Variants in AAK1 observed in about 807,000 individuals in gnomAD.
The protein encoded by AAK1 is AP2 associated kinase 1.
A neutral mutation model predicts 116.0 loss-of-function variants in AAK1; 37 were observed. The observed-to-expected ratio is 0.32, with a 90% CI of 0.25 to 0.42. The LOEUF (loss-of-function observed/expected upper bound fraction) is 0.42, where lower values mean the gene tolerates loss of function less well. Among genes scored for constraint, AAK1 ranks in the 10% least tolerant of loss-of-function variants. AAK1 has a pLI of 1.00. For synonymous variants in AAK1, 458 were observed against 439.9 expected, an observed-to-expected ratio of 1.04 and a Z score of -0.51; for missense variants, 919 against 1,170.6, an observed-to-expected ratio of 0.79 and a Z score of 3.14.
In AAK1 at chr2:69,470,815, T is replaced by C. The variant is rs1217101476; in HGVS notation, c.*5054A>G. On this transcript the variant is annotated 3_prime_UTR_variant, in exon 22 of 22. Coordinates refer to ENST00000409085, the MANE Select transcript of AAK1 (RefSeq NM_014911.5). ...TACTTTTCTTGTGCCCAGGTACTTATTGTCACTCAATACTGTGATTAAATC... is the reference window on the plus strand; with the variant it reads ...TACTTTTCTTGTGCCCAGGTACTTACTGTCACTCAATACTGTGATTAAATC... The C allele has an allele frequency of 6.1e-6, 6 of 985,746 alleles. No homozygotes were observed. Among genetic ancestry groups the C allele is most frequent in the Non-Finnish European group, 7.2e-6 (6 of 829,930 alleles). The allele number at this position is 985,746 out of a possible 1,614,324, so 61.1% of individuals were successfully genotyped here. A position where few individuals can be genotyped will look rare whatever the true frequency, so the allele number is the denominator to read the frequency against.
chr2:69,629,702 G>C (rs962694944), intron 2 of AAK1, among the ~76,000 whole-genome samples: 1 of 152,142 alleles, frequency 6.6e-6, no homozygotes, highest in African/African-American at 2.4e-5. Context: ...AATTAGTACT[G>C]ATTTACTGTA....
intron 2 of AAK1, among the ~76,000 whole-genome samples, chr2:69,582,630 C>A (rs1672597518): frequency 6.6e-6 from 1 of 152,096 alleles, no homozygotes; most frequent in Non-Finnish European, 1.5e-5. Context: ...CAATATTCTA[C>A]AGAGAAACCT....
In AAK1 at chr2:69,468,886, A is replaced by G. The variant is rs534262694; in HGVS notation, c.*6983T>C. ...TTTTGGTCGAGAACCCATTTGGAAA[A>G]CCTTCCAACTCAGAGCATATTCTAT... On this transcript the variant is annotated 3_prime_UTR_variant, in exon 22 of 22. Transcript: ENST00000409085. 262 of 985,410 alleles carry G rather than the reference A, an allele frequency of 2.7e-4. No homozygotes were observed. Among genetic ancestry groups the G allele is most frequent in the Non-Finnish European group, 3.1e-4 (257 of 829,926 alleles). 61.0% of individuals were successfully genotyped at this position (985,410 alleles called of 1,614,324 possible).
intron 3 of AAK1, among the ~76,000 whole-genome samples, chr2:69,546,658 C>T (rs1265178380): frequency 6.6e-6 from 1 of 152,144 alleles, no homozygotes; most frequent in Non-Finnish European, 1.5e-5. Context: ...TTGGTAGAAC[C>T]ATGCTATGGT....
At chr2:69,596,225 T>TC (rs1188763942) in intron 2 of AAK1, among the ~76,000 whole-genome samples, 27 of 151,474 alleles carry the variant, frequency 1.8e-4, no homozygotes, top group African/African-American at 6.6e-4. Flanking sequence ...TTTTGACTTT[T>TC]TTTTTTTTTT....
Position 69,470,024 on chromosome 2 carries a change from G to C in AAK1, c.*5845C>G. 5 of 985,298 alleles carry C rather than the reference G, an allele frequency of 5.1e-6. No homozygotes were observed. Among genetic ancestry groups the C allele is most frequent in the Non-Finnish European group, 6.0e-6 (5 of 829,918 alleles). The allele number at this position is 985,298 out of a possible 1,614,324, so 61.0% of individuals were successfully genotyped here. A position where few individuals can be genotyped will look rare whatever the true frequency, so the allele number is the denominator to read the frequency against. ...CCCAAAGTGCTGAATCATTTAGGAT[G>C]GGTTTCCCCTGGAAACTCCATCTGA... On this transcript the variant is annotated 3_prime_UTR_variant, in exon 22 of 22. Coordinates refer to ENST00000409085, the MANE Select transcript of AAK1 (RefSeq NM_014911.5).
At position 69,638,530 on chromosome 2, in the gene AAK1, C is replaced by T. The variant is rs571376952; in HGVS notation, c.163+4348G>A. 5.3e-5 allele frequency among the ~76,000 whole-genome samples: 8 copies of T among 152,322 alleles called. No individual in the cohort carries two copies. The South Asian group carries it at 6.2e-4, about 12-fold the overall frequency. ...CACTGAAGAAAGTGAGTAGCAAGCA[C>T]CTCCAGGGAGCAACTTAAAGAATTT... On this transcript the variant is annotated intron_variant, in intron 2 of 21. Transcript: ENST00000409085.
chr2:69,514,894 T>G, intron 12 of AAK1, 145 bp from the exon 13 acceptor site: 1 of 864,770 alleles, frequency 1.2e-6, no homozygotes, highest in South Asian at 1.9e-5. Flanking sequence ...TAAAATCTCA[T>G]GATAGAGACC....
intron 17 of AAK1, among the ~76,000 whole-genome samples, chr2:69,493,424 G>T (rs567408429): frequency 2.0e-5 from 3 of 152,140 alleles, no homozygotes; most frequent in South Asian, 2.1e-4. Context: ...GAGTGGGTGT[G>T]GGGGGACTGG....
intron 12 of AAK1, chr2:69,516,762 T>C (rs1440872522): frequency 1.3e-5 from 2 of 152,222 alleles, no homozygotes; most frequent in Non-Finnish European, 2.9e-5. Flanking sequence ...CCAGGCATGG[T>C]GGTGTGCACC....
chr2:69,555,809 A>G (rs1407540946), intron 3 of AAK1, among the ~76,000 whole-genome samples: 2 of 151,828 alleles, frequency 1.3e-5, no homozygotes, highest in African/African-American at 2.4e-5. Context: ...AAGGCTATAT[A>G]TTCAAAGTTT....
intron 3 of AAK1, among the ~76,000 whole-genome samples, chr2:69,553,241 C>G (rs191115073): frequency 6.6e-6 from 1 of 152,016 alleles, no homozygotes; most frequent in African/African-American, 2.4e-5. Flanking sequence ...TGTAAATTTC[C>G]TGGTAGAATA....
At chr2:69,484,549 T>C (rs878938712) in intron 17 of AAK1, among the ~76,000 whole-genome samples, 2 of 152,068 alleles carry the variant, frequency 1.3e-5, no homozygotes, top group African/African-American at 2.4e-5. Flanking sequence ...TCCCAGCACT[T>C]TGGGAGGCCG....
chr2:69,491,821 A>G (rs1376654843), intron 17 of AAK1, among the ~76,000 whole-genome samples: 1 of 152,174 alleles, frequency 6.6e-6, no homozygotes, highest in Admixed American at 6.5e-5. Context: ...AAGAACACAC[A>G]ATTTAAGTGA....
intron 2 of AAK1, among the ~76,000 whole-genome samples, chr2:69,616,251 C>T (rs997498502): frequency 2.0e-5 from 3 of 152,120 alleles, no homozygotes; most frequent in South Asian, 4.1e-4. Context: ...TCACCTCAGC[C>T]GCTTGAGTAG....
intron 2 of AAK1, among the ~76,000 whole-genome samples, chr2:69,637,413 C>A (rs1011857122): frequency 2.0e-4 from 31 of 152,154 alleles, no homozygotes; most frequent in Non-Finnish European, 4.3e-4. Context: ...TGATGCCTGG[C>A]ACATAATGAA....
rs1203270470 is a variant in AAK1, at chr2:69,458,579, A to T, written c.*17290T>A. ...AAGAACTCCAGTTGTAACTTTTGAG[A>T]GTTTTTTTGGCAAAAGGAACTACAT... is the stretch of plus-strand genomic sequence containing the variant. On this transcript the variant is annotated 3_prime_UTR_variant, in exon 22 of 22. Transcript: ENST00000409085. 6.6e-6 allele frequency: 1 copy of T among 152,598 alleles called. No homozygotes were observed. The highest frequency in any genetic ancestry group is 2.1e-4 in the South Asian group (1 of 4,832). 9.5% of individuals were successfully genotyped at this position (152,598 alleles called of 1,614,324 possible).
rs1197953157 is a variant in AAK1 at position 69,466,199 on chromosome 2, C to G, written c.*9670G>C. On this transcript the variant is annotated 3_prime_UTR_variant, in exon 22 of 22. Coordinates refer to ENST00000409085, the MANE Select transcript of AAK1 (RefSeq NM_014911.5). The stretch of plus-strand genomic sequence containing the variant: ...GGTTCTTTCTTCCACCTTGCACTGT[C>G]TTTGCTTGCTCAGGAGAGACTTCTG... 5 of 1,289,712 alleles carry G rather than the reference C, an allele frequency of 3.9e-6. No homozygotes were observed. Among genetic ancestry groups the G allele is most frequent in the Non-Finnish European group, 5.1e-6 (5 of 988,886 alleles). 79.9% of individuals were successfully genotyped at this position (1,289,712 alleles called of 1,614,324 possible).
chr2:69,632,700 C>G (rs1316633012), intron 2 of AAK1, among the ~76,000 whole-genome samples: 1 of 152,122 alleles, frequency 6.6e-6, no homozygotes, highest in African/African-American at 2.4e-5. Flanking sequence ...AGATCGAGAC[C>G]ATCCTGGCTA....
Sources: gnomAD v4.1 joint callset for allele counts (sites outside exome capture counted in the v4.1 genomes callset) on GRCh38, gnomAD v4.1.1 for gene constraint, MANE v1.5 for transcripts, NCBI Gene and HGNC (gene_info 2026-07-23, HGNC 2026-07-21) for gene names.